DMD: variants seen among roughly 807,000 people sequenced by gnomAD.
DMD encodes the protein dystrophin, also known as mutant dystrophin.
In DMD, 63 loss-of-function variants were observed where a neutral mutation model predicts 330.1. That is an observed-to-expected ratio of 0.19 (90% CI 0.16 to 0.24). The LOEUF (loss-of-function observed/expected upper bound fraction) is 0.24. Ranked by LOEUF, DMD falls within the 10% of genes least tolerant of loss-of-function variation. The pLI, the probability that DMD is intolerant of heterozygous loss-of-function variation, is 1.00. For missense variants in DMD, 3,344 were observed against 2,684.1 expected, an observed-to-expected ratio of 1.25 and a Z score of -5.43; for synonymous variants, 1,223 against 959.8, an observed-to-expected ratio of 1.27 and a Z score of -5.07.
intron 47 of DMD, among the ~76,000 whole-genome samples, chrX:31,884,197 A>G (rs1427989458): frequency 1.8e-5 from 2 of 111,793 alleles, no homozygotes; most frequent in African/African-American, 6.5e-5. Context: ...CTGCCCTCTC[A>G]TGTTTACTGC....
intron 4 of DMD, among the ~76,000 whole-genome samples, chrX:32,827,488 T>C (rs1885834116): frequency 9.0e-6 from 1 of 110,661 alleles, no homozygotes; most frequent in African/African-American, 3.3e-5. Flanking sequence ...CATAGGTAAA[T>C]TGCGTGTCAT....
At chrX:33,109,966 G>T in intron 1 of DMD, among the ~76,000 whole-genome samples, 1 of 110,960 alleles carries the variant, frequency 9.0e-6, no homozygotes, top group African/African-American at 3.3e-5. Context: ...AAAAAAAAAG[G>T]TTTTTTTGTT....
At chrX:32,893,478 A>G (rs2085408497) in intron 2 of DMD, among the ~76,000 whole-genome samples, 1 of 111,600 alleles carries the variant, frequency 9.0e-6, no homozygotes, top group Non-Finnish European at 1.9e-5. Context: ...ATTACCTTGC[A>G]CAGTTAGCAT....
At chrX:32,427,314 G>A (rs1835058919) in intron 29 of DMD, among the ~76,000 whole-genome samples, 1 of 111,305 alleles carries the variant, frequency 9.0e-6, no homozygotes, top group African/African-American at 3.3e-5. Flanking sequence ...TAGCCTATGA[G>A]ATATCCAAAG....
At chrX:33,037,351 T>C (rs2094221135) in intron 1 of DMD, among the ~76,000 whole-genome samples, 1 of 92,570 alleles carries the variant, frequency 1.1e-5, no homozygotes, top group African/African-American at 4.1e-5. Flanking sequence ...GTCTCTTAAC[T>C]TGAAACTATA....
intron 48 of DMD, among the ~76,000 whole-genome samples, chrX:31,841,353 T>C (rs1448506359): frequency 9.0e-6 from 1 of 111,650 alleles, no homozygotes; most frequent in Admixed American, 9.6e-5. Flanking sequence ...GACGAAGCCC[T>C]CTCCGTAACA....
At chrX:32,362,702 G>T in intron 37 of DMD, 86 bp downstream of exon 37, 1 of 1,048,511 alleles carries the variant, frequency 9.5e-7, no homozygotes, top group Non-Finnish European at 1.3e-6. Flanking sequence ...CTTGCTGTGG[G>T]GTCTACTTGC....
chrX:32,289,068 G>C (rs2097455513), intron 42 of DMD, among the ~76,000 whole-genome samples: 1 of 111,826 alleles, frequency 8.9e-6, no homozygotes, highest in African/African-American at 3.2e-5. Flanking sequence ...GTTTACTTGG[G>C]ATAATTTTAC....
intron 55 of DMD, among the ~76,000 whole-genome samples, chrX:31,569,540 C>A (rs1276659209): frequency 9.9e-6 from 1 of 101,351 alleles, no homozygotes; most frequent in African/African-American, 3.6e-5. Flanking sequence ...AAATTCCTAT[C>A]AGCATTCTAG....
intron 37 of DMD, 60 bp downstream of exon 37, chrX:32,362,728 G>C: frequency 8.5e-7 from 1 of 1,175,856 alleles, no homozygotes; most frequent in South Asian, 1.8e-5. Flanking sequence ...TCAGAGTACT[G>C]CGCAACCTTC....
At chrX:32,465,575 G>GT (rs1569563838) in intron 23 of DMD, among the ~76,000 whole-genome samples, 5 of 27,824 alleles carry the variant, frequency 1.8e-4, no homozygotes, top group Admixed American at 5.9e-4. Context: ...TTTTTTGTTT[G>GT]TTTTTTGTTT....
chrX:32,798,544 C>T (rs187182441), intron 7 of DMD, among the ~76,000 whole-genome samples: 135 of 112,007 alleles, frequency 1.2e-3, no homozygotes, highest in Non-Finnish European at 2.2e-3. Context: ...TGTATCATAC[C>T]TATTTGGTAT....
chrX:33,297,927 T>A (rs1036346995), intron 1 of DMD, among the ~76,000 whole-genome samples: 3 of 110,541 alleles, frequency 2.7e-5, no homozygotes, highest in African/African-American at 9.9e-5. Flanking sequence ...TACTTGAAAC[T>A]TGCTGAGGGA....
chrX:32,987,947 TAACAA>T (rs2092885958), intron 2 of DMD, among the ~76,000 whole-genome samples: 1 of 109,062 alleles, frequency 9.2e-6, no homozygotes, highest in Non-Finnish European at 1.9e-5. Flanking sequence ...AAAAAATGAT[TAACAA>T]AACACAGGAA....
At chrX:32,690,544 T>A (rs1214302100) in intron 9 of DMD, among the ~76,000 whole-genome samples, 1 of 111,508 alleles carries the variant, frequency 9.0e-6, no homozygotes, top group Middle Eastern at 4.3e-3. Context: ...AAATCAACCT[T>A]GAGAAAGAAG....
chrX:32,931,940 T>A (rs183224119), intron 2 of DMD, among the ~76,000 whole-genome samples: 1 of 111,741 alleles, frequency 8.9e-6, no homozygotes, highest in African/African-American at 3.2e-5. Flanking sequence ...CCTGCTTCTG[T>A]AAAGTGGAAA....
chrX:32,251,462 G>C (rs376136385), intron 43 of DMD, among the ~76,000 whole-genome samples: 1 of 111,056 alleles, frequency 9.0e-6, no homozygotes, highest in East Asian at 2.8e-4. Context: ...AATATGCTCA[G>C]GGATCATCCC....
chrX:31,476,925 T>A (rs181989159), intron 59 of DMD, among the ~76,000 whole-genome samples: 1,815 of 111,057 alleles, frequency 0.016, 27 homozygotes, highest in East Asian at 0.087. Context: ...TCAGTGAAAA[T>A]GCAGAAGGGT....
At chrX:32,359,199 T>A (rs1164259074) in intron 37 of DMD, among the ~76,000 whole-genome samples, 3 of 111,842 alleles carry the variant, frequency 2.7e-5, no homozygotes, top group African/African-American at 9.8e-5. Context: ...GAGGATCCCT[T>A]TACTCACTGC....
Sources: gnomAD v4.1 joint callset for allele counts (sites outside exome capture counted in the v4.1 genomes callset) on GRCh38, gnomAD v4.1.1 for gene constraint, MANE v1.5 for transcripts, NCBI Gene and HGNC (gene_info 2026-07-23, HGNC 2026-07-21) for gene names.